Variants in EFNA5 observed in about 807,000 individuals in gnomAD.
EFNA5 encodes the protein ephrin-A5.
A neutral mutation model predicts 22.9 loss-of-function variants in EFNA5; 5 were observed. That is an observed-to-expected ratio of 0.22 (90% confidence interval 0.11 to 0.46). EFNA5 has a LOEUF of 0.46. Ranked by LOEUF, EFNA5 falls within the 20% of genes least tolerant of loss-of-function variation. EFNA5 has a pLI of 0.99. For synonymous variants in EFNA5, 113 were observed against 112.2 expected (o/e 1.01, Z -0.04); for missense variants, 237 against 293.3 (o/e 0.81, Z 1.40).
chr5:107,462,490 C>T (rs1229185763), intron 1 of EFNA5, among the ~76,000 whole-genome samples: 1 of 152,086 alleles, frequency 6.6e-6, no homozygotes, highest in Non-Finnish European at 1.5e-5. Context: ...TGGTAAACGG[C>T]TATGGGTCCA....
chr5:107,603,513 G>C (rs891080588), intron 1 of EFNA5, among the ~76,000 whole-genome samples: 2 of 152,204 alleles, frequency 1.3e-5, no homozygotes, highest in South Asian at 2.1e-4. Context: ...CCAAGGGAAA[G>C]GTTCCATTTT....
intron 1 of EFNA5, among the ~76,000 whole-genome samples, chr5:107,591,160 G>C (rs951295774): frequency 1.3e-5 from 2 of 152,140 alleles, no homozygotes; most frequent in Non-Finnish European, 2.9e-5. Context: ...AAGATCAAAG[G>C]TCACAAAGAG....
At chr5:107,594,450 C>T (rs902849566) in intron 1 of EFNA5, among the ~76,000 whole-genome samples, 8 of 152,134 alleles carry the variant, frequency 5.3e-5, no homozygotes, top group Non-Finnish European at 1.0e-4. Flanking sequence ...CAGGTCACTG[C>T]AGGGTGTGGC....
chr5:107,391,925 G>A (rs1457677075), intron 2 of EFNA5, among the ~76,000 whole-genome samples: 2 of 152,162 alleles, frequency 1.3e-5, no homozygotes. Flanking sequence ...ACCTCAGACA[G>A]GGGCTCTAAC....
chr5:107,415,798 A>G (rs1411081066), intron 2 of EFNA5, among the ~76,000 whole-genome samples: 1 of 152,248 alleles, frequency 6.6e-6, no homozygotes, highest in African/African-American at 2.4e-5. Flanking sequence ...TAACAATAGC[A>G]ACAGCAAGTA....
chr5:107,458,989 C>T (rs1014260240), intron 1 of EFNA5, among the ~76,000 whole-genome samples: 16 of 152,118 alleles, frequency 1.1e-4, no homozygotes, highest in South Asian at 2.1e-4. Flanking sequence ...TGTACCTTGA[C>T]ACCAAAATAT....
At chr5:107,618,787 T>C (rs1211270498) in intron 1 of EFNA5, among the ~76,000 whole-genome samples, 1 of 152,238 alleles carries the variant, frequency 6.6e-6, no homozygotes, top group East Asian at 1.9e-4. Context: ...CTTGGGAAAG[T>C]GTCCACTAAG....
chr5:107,586,672 G>A (rs1449037176), intron 1 of EFNA5, among the ~76,000 whole-genome samples: 1 of 152,144 alleles, frequency 6.6e-6, no homozygotes, highest in East Asian at 1.9e-4. Context: ...TGGGAAAATA[G>A]CTCCAATAGC....
intron 1 of EFNA5, among the ~76,000 whole-genome samples, chr5:107,506,924 C>T (rs1221852317): frequency 6.6e-6 from 1 of 152,108 alleles, no homozygotes; most frequent in Non-Finnish European, 1.5e-5. Flanking sequence ...ATTCATTAAA[C>T]ATTTATTGCT....
At chr5:107,484,528 T>C (rs1351193772) in intron 1 of EFNA5, among the ~76,000 whole-genome samples, 1 of 152,216 alleles carries the variant, frequency 6.6e-6, no homozygotes, top group African/African-American at 2.4e-5. Flanking sequence ...TGGTACCAGA[T>C]GGTCTCTTGA....
intron 1 of EFNA5, among the ~76,000 whole-genome samples, chr5:107,474,583 G>C (rs1325481770): frequency 1.3e-5 from 2 of 152,040 alleles, no homozygotes; most frequent in Admixed American, 1.3e-4. Context: ...TTACGAACGA[G>C]GAATGGTTTA....
At position 107,520,778 on chromosome 5, in the gene EFNA5, G is replaced by A. The variant is rs79095833; in HGVS notation, c.126-93269C>T. ...ACCAACCAGATCTGCCTTAAGCAGA[G>A]TGAATGGGTAGTAATCACTGTGGAT... is the stretch of plus-strand genomic sequence containing the variant. On this transcript the variant is annotated intron_variant, in intron 1 of 4. Coordinates refer to ENST00000333274, the MANE Select transcript of EFNA5 (RefSeq NM_001962.3). Among the ~76,000 whole-genome samples, 1,106 of 152,322 alleles carry A rather than the reference G, an allele frequency of 7.3e-3. 17 individuals carry two copies. Among genetic ancestry groups the A allele is most frequent in the African/African-American group, 0.025 (1,051 of 41,570 alleles).
chr5:107,622,462 C>T (rs1224213646), intron 1 of EFNA5, among the ~76,000 whole-genome samples: 1 of 152,140 alleles, frequency 6.6e-6, no homozygotes, highest in Non-Finnish European at 1.5e-5. Context: ...AAAAATCACA[C>T]ATCATTATCA....
At chr5:107,431,645 A>G (rs252991) in intron 1 of EFNA5, among the ~76,000 whole-genome samples, 95,485 of 152,008 alleles carry the variant, frequency 0.63, 30,213 homozygotes, top group South Asian at 0.66. Context: ...AAAGCTCTTC[A>G]CTTTTCCATT....
At chr5:107,557,502 C>T (rs1192144767) in intron 1 of EFNA5, among the ~76,000 whole-genome samples, 2 of 152,172 alleles carry the variant, frequency 1.3e-5, no homozygotes, top group African/African-American at 4.8e-5. Flanking sequence ...GTGCCTGGGG[C>T]AATGTGGTAA....
At position 107,594,150 on chromosome 5, in the gene EFNA5, T is replaced by A. The variant is rs562268835; in HGVS notation, c.125+76339A>T. On this transcript the variant is annotated intron_variant, in intron 1 of 4. Transcript: ENST00000333274. Reference sequence around the variant, plus strand: ...TACCTCATCAATACAAACTGATTCATCTGTGCTAAAAATGCCACATTCATG... The same window carrying A: ...TACCTCATCAATACAAACTGATTCAACTGTGCTAAAAATGCCACATTCATG... 3.3e-5 allele frequency among the ~76,000 whole-genome samples: 5 copies of A among 152,336 alleles called. No individual in the cohort carries two copies. In the East Asian group the frequency reaches 7.7e-4, roughly 24 times the overall value.
At chr5:107,653,965 A>C (rs1050058721) in intron 1 of EFNA5, among the ~76,000 whole-genome samples, 1 of 152,140 alleles carries the variant, frequency 6.6e-6, no homozygotes, top group African/African-American at 2.4e-5. Context: ...ATTCCAAACC[A>C]GGTCTTATGT....
chr5:107,519,653 C>T (rs189445648), intron 1 of EFNA5, among the ~76,000 whole-genome samples: 21 of 152,256 alleles, frequency 1.4e-4, no homozygotes, highest in Admixed American at 9.8e-4. Context: ...TGGAGCGAAG[C>T]GATCCCCTTG....
At chr5:107,553,289 C>T (rs566174469) in intron 1 of EFNA5, among the ~76,000 whole-genome samples, 1 of 152,328 alleles carries the variant, frequency 6.6e-6, no homozygotes, top group Non-Finnish European at 1.5e-5. Context: ...GTGACCCTGC[C>T]ATGGCTCGGC....
Sources: allele counts gnomAD v4.1 joint callset (sites outside exome capture counted in the v4.1 genomes callset), GRCh38; gene constraint gnomAD v4.1.1; transcripts MANE v1.5; gene names NCBI Gene and HGNC (gene_info 2026-07-23, HGNC 2026-07-21).